The following MTA3 variants were observed in gnomAD, a reference collection of about 807,000 sequenced individuals.
MTA3 encodes metastasis associated 1 family member 3, also known as metastasis-associated protein MTA3.
MTA3 carries 34 observed loss-of-function variants against 83.5 expected under a neutral mutation model. The observed-to-expected ratio is 0.41, with a 90% CI of 0.31 to 0.54. The LOEUF is 0.54. Ranked by LOEUF, MTA3 falls within the 20% of genes least tolerant of loss-of-function variation. MTA3 has a pLI of 0.33. For missense variants in MTA3, 761 were observed against 726.4 expected, an observed-to-expected ratio of 1.05 and a Z score of -0.55; for synonymous variants, 303 against 252.7, an observed-to-expected ratio of 1.20 and a Z score of -1.89.
chr2:42,593,664 G>A (rs1003043336), intron 3 of MTA3, among the ~76,000 whole-genome samples: 1 of 151,390 alleles, frequency 6.6e-6, no homozygotes, highest in Non-Finnish European at 1.5e-5. Context: ...TTTAGTACTC[G>A]GAGGACTATG....
chr2:42,748,746 CCAA>C (rs773379268), intron 16 of MTA3, among the ~76,000 whole-genome samples: 2 of 152,108 alleles, frequency 1.3e-5, no homozygotes, highest in African/African-American at 2.4e-5. Flanking sequence ...CCCAGCCAGT[CCAA>C]TCATATTTAA....
intron 3 of MTA3, among the ~76,000 whole-genome samples, chr2:42,592,926 G>A (rs1361763335): frequency 6.6e-6 from 1 of 152,006 alleles, no homozygotes; most frequent in African/African-American, 2.4e-5. Context: ...TGAGGTGGGG[G>A]GATCAGTTGA....
At chr2:42,671,462 T>C (rs759916545) in intron 8 of MTA3, among the ~76,000 whole-genome samples, 1 of 152,256 alleles carries the variant, frequency 6.6e-6, no homozygotes, top group South Asian at 2.1e-4. Flanking sequence ...CATATTCTGT[T>C]TATTTTTACT....
chr2:42,621,618 A>G (rs920496975), intron 4 of MTA3, among the ~76,000 whole-genome samples: 1 of 152,214 alleles, frequency 6.6e-6, no homozygotes, highest in African/African-American at 2.4e-5. Flanking sequence ...CATCGTCATC[A>G]TGGCCCGTTC....
chr2:42,559,374 C>T (rs963843841), intron 2 of MTA3, among the ~76,000 whole-genome samples: 3 of 150,906 alleles, frequency 2.0e-5, no homozygotes, highest in East Asian at 2.0e-4. Flanking sequence ...TGGTGGTGTG[C>T]GCCTGTAATC....
chr2:42,529,679 C>G (rs1166046822), intron 2 of MTA3, among the ~76,000 whole-genome samples: 2 of 152,158 alleles, frequency 1.3e-5, no homozygotes, highest in Non-Finnish European at 2.9e-5. Context: ...GGCAATGTGA[C>G]CAGCAGTGAG....
At chr2:42,623,186 G>C (rs1685744879) in intron 4 of MTA3, among the ~76,000 whole-genome samples, 2 of 152,140 alleles carry the variant, frequency 1.3e-5, no homozygotes, top group South Asian at 4.1e-4. Flanking sequence ...TAGTGTTCCA[G>C]TAATGGCCAA....
rs1670262957 is a variant in MTA3, at chr2:42,756,719, C to G, written c.*3320C>G. ...AGCAGCCCCTCCTCACCATTCCCCCCAGGAAGGCCATGTCCCAGTTTTCTG... is the reference window on the plus strand; with the variant it reads ...AGCAGCCCCTCCTCACCATTCCCCCGAGGAAGGCCATGTCCCAGTTTTCTG... On this transcript the variant is annotated 3_prime_UTR_variant, in exon 17 of 17. Transcript: ENST00000405094. 2 of 985,492 alleles carry G rather than the reference C, an allele frequency of 2.0e-6. No individual in the cohort carries two copies. The highest frequency in any genetic ancestry group is 3.5e-5 in the African/African-American group (2 of 57,334). The allele number at this position is 985,492 out of a possible 1,614,324, so 61.0% of individuals were successfully genotyped here. A position where few individuals can be genotyped will look rare whatever the true frequency, so the allele number is the denominator to read the frequency against.
At chr2:42,647,255 G>A (rs573164187) in intron 6 of MTA3, among the ~76,000 whole-genome samples, 3 of 151,288 alleles carry the variant, frequency 2.0e-5, no homozygotes, top group Non-Finnish European at 4.4e-5. Context: ...ACAGAGTCTC[G>A]CTCTGTTGCC....
chr2:42,540,288 C>T (rs1306525385), intron 2 of MTA3, among the ~76,000 whole-genome samples: 1 of 150,842 alleles, frequency 6.6e-6, no homozygotes, highest in Non-Finnish European at 1.5e-5. Flanking sequence ...ACTCTCCTGC[C>T]TTAGCCTCCT....
At chr2:42,697,174 A>G (rs1046928859) in intron 10 of MTA3, among the ~76,000 whole-genome samples, 10 of 152,304 alleles carry the variant, frequency 6.6e-5, no homozygotes, top group African/African-American at 2.4e-4. Context: ...GGATTTGATT[A>G]TATAATCTCC....
At chr2:42,742,047 T>C (rs564373420) in intron 16 of MTA3, among the ~76,000 whole-genome samples, 1 of 152,300 alleles carries the variant, frequency 6.6e-6, no homozygotes, top group East Asian at 1.9e-4. Flanking sequence ...TTTCTTTGTA[T>C]AGGAAATGGG....
intron 3 of MTA3, among the ~76,000 whole-genome samples, chr2:42,593,898 A>G (rs976752163): frequency 5.3e-5 from 8 of 151,792 alleles, no homozygotes; most frequent in Admixed American, 2.6e-4. Context: ...ATTTACACCT[A>G]CCAGCAATGA....
intron 8 of MTA3, among the ~76,000 whole-genome samples, chr2:42,662,977 C>T (rs1455756877): frequency 4.0e-5 from 3 of 74,498 alleles, no homozygotes; most frequent in East Asian, 5.9e-4. Flanking sequence ...GATCTGCCCA[C>T]TTCGGCCTCC....
chr2:42,687,696 G>A (rs1468977564), intron 9 of MTA3, among the ~76,000 whole-genome samples: 1 of 152,106 alleles, frequency 6.6e-6, no homozygotes, highest in African/African-American at 2.4e-5. Context: ...TTCCCTTCCC[G>A]GTATGTTGCC....
chr2:42,621,796 C>A (rs999516910), intron 4 of MTA3, among the ~76,000 whole-genome samples: 1 of 150,554 alleles, frequency 6.6e-6, no homozygotes, highest in Admixed American at 6.6e-5. Context: ...TGGGCAGAGA[C>A]GCTCCTCACC....
intron 3 of MTA3, among the ~76,000 whole-genome samples, chr2:42,593,775 A>T (rs1158249576): frequency 6.6e-6 from 1 of 152,076 alleles, no homozygotes; most frequent in African/African-American, 2.4e-5. Context: ...TAGCCACTGC[A>T]TTTCAGCAGC....
At chr2:42,640,664 T>G (rs1380952897) in intron 5 of MTA3, among the ~76,000 whole-genome samples, 1 of 152,214 alleles carries the variant, frequency 6.6e-6, no homozygotes, top group African/African-American at 2.4e-5. Flanking sequence ...ATAAATTTTG[T>G]CAGTTAAAAA....
rs78656591 is a variant in MTA3 at position 42,647,800 on chromosome 2, C to T, written c.499+3556C>T. 1.3e-3 allele frequency among the ~76,000 whole-genome samples: 203 copies of T among 152,288 alleles called. 2 individuals carry two copies. The East Asian group carries it at 0.023, about 17-fold the overall frequency. ...AAAGCATATGCAGAATGTTTCTTTTCACTTGTAATCAGGCAACTGAGTAGA... is the reference window on the plus strand; with the variant it reads ...AAAGCATATGCAGAATGTTTCTTTTTACTTGTAATCAGGCAACTGAGTAGA... On this transcript the variant is annotated intron_variant, in intron 6 of 16. Transcript: ENST00000405094.
Sources: allele counts gnomAD v4.1 joint callset (sites outside exome capture counted in the v4.1 genomes callset), GRCh38; gene constraint gnomAD v4.1.1; transcripts MANE v1.5; gene names NCBI Gene and HGNC (gene_info 2026-07-23, HGNC 2026-07-21).